ZNF681: variants seen among roughly 807,000 people sequenced by gnomAD.
ZNF681 encodes the protein hypothetical protein FLJ31526.
Under a neutral mutation model 56.0 loss-of-function variants are expected in ZNF681, and 37 were observed. That is an observed-to-expected ratio of 0.66 (90% CI 0.51 to 0.87). The LOEUF (loss-of-function observed/expected upper bound fraction) is 0.87, where lower values mean the gene tolerates loss of function less well. ZNF681 is among the 40% of genes least tolerant of loss of function. The pLI is 0.00. For missense variants in ZNF681, 741 were observed against 744.9 expected (o/e 0.99, Z 0.06); for synonymous variants, 225 against 248.6 (o/e 0.91, Z 0.89).
intron 3 of ZNF681, among the ~76,000 whole-genome samples, chr19:23,750,640 G>A (rs1254521134): frequency 6.6e-6 from 1 of 151,660 alleles, no homozygotes; most frequent in East Asian, 1.9e-4. Context: ...TCAGAAGTAC[G>A]AGACCAGCCT....
chr19:23,751,847 G>A (rs1969036881), intron 3 of ZNF681, among the ~76,000 whole-genome samples: 1 of 152,022 alleles, frequency 6.6e-6, no homozygotes, highest in African/African-American at 2.4e-5. Context: ...CACCATGCCT[G>A]GCTAATTTTT....
In ZNF681 at chr19:23,741,800, T is replaced by A. The variant is rs1968877363; in HGVS notation, c.*1812A>T. 2.0e-5 allele frequency: 3 copies of A among 152,170 alleles called. No individual in the cohort carries two copies. Among genetic ancestry groups the A allele is most frequent in the South Asian group, 2.1e-4 (1 of 4,830 alleles). 9.4% of individuals were successfully genotyped at this position (152,170 alleles called of 1,614,324 possible). A position where few individuals can be genotyped will look rare whatever the true frequency, so the allele number is the denominator to read the frequency against. Reference sequence around the variant, plus strand: ...TGCTGCAGGTAATGAATATTTCATTTACCCATATGTAATTATTACATATTA... The same window carrying A: ...TGCTGCAGGTAATGAATATTTCATTAACCCATATGTAATTATTACATATTA... On this transcript the variant is annotated 3_prime_UTR_variant, in exon 4 of 4. Coordinates refer to ENST00000402377, the MANE Select transcript of ZNF681 (RefSeq NM_138286.3).
intron 1 of ZNF681, among the ~76,000 whole-genome samples, chr19:23,755,863 TGAG>T (rs905387517): frequency 3.4e-4 from 52 of 152,260 alleles, no homozygotes; most frequent in African/African-American, 1.1e-3. Context: ...CTGGTGAGGC[TGAG>T]GAGAAATATG....
At chr19:23,748,751 T>C (rs528149182) in intron 3 of ZNF681, among the ~76,000 whole-genome samples, 2 of 152,038 alleles carry the variant, frequency 1.3e-5, no homozygotes, top group African/African-American at 4.8e-5. Context: ...AATACAAAAA[T>C]TGGAAAAAGC....
At chr19:23,749,101 C>A (rs1968986824) in intron 3 of ZNF681, among the ~76,000 whole-genome samples, 1 of 152,106 alleles carries the variant, frequency 6.6e-6, no homozygotes, top group South Asian at 2.1e-4. Flanking sequence ...GCAACCCTTT[C>A]TTGACTTACA....
At chr19:23,747,307 A>G (rs1968957607) in intron 3 of ZNF681, among the ~76,000 whole-genome samples, 3 of 152,138 alleles carry the variant, frequency 2.0e-5, no homozygotes. Context: ...TGTCTGTATA[A>G]CTTACAGTGA....
chr19:23,743,622 T>C lies in ZNF681; in HGVS notation c.1928A>G (p.Glu643Gly). 1 of 1,492,050 alleles carries C rather than the reference T, an allele frequency of 6.7e-7. No homozygotes were observed. 92.4% of individuals were successfully genotyped at this position (1,492,050 alleles called of 1,614,324 possible). A position where few individuals can be genotyped will look rare whatever the true frequency, so the allele number is the denominator to read the frequency against. ...ACATTCTTCACATTTCTAAGATTTC[T>C]CACCAGCATAATTTCTTTTATGTTT... ...FSKHKRNYAGEKS is the reference protein window; with the variant it reads ...FSKHKRNYAGGKS The change falls in exon 4 of 4, where the codon GAG becomes GGG. Residue 643 changes from glutamate to glycine, a missense_variant. Glu to Gly is a moderately conservative substitution (Grantham distance 98). Transcript: ENST00000402377.
chr19:23,743,434 C>A lies in ZNF681; in HGVS notation c.*178G>T. 1 of 499,714 alleles carries A rather than the reference C, an allele frequency of 2.0e-6. No individual in the cohort carries two copies. Among genetic ancestry groups the A allele is most frequent in the Non-Finnish European group, 3.4e-6 (1 of 297,956 alleles). The allele number at this position is 499,714 out of a possible 1,614,324, so 31.0% of individuals were successfully genotyped here. On this transcript the variant is annotated 3_prime_UTR_variant, in exon 4 of 4. Coordinates refer to ENST00000402377, the MANE Select transcript of ZNF681 (RefSeq NM_138286.3). ...TGAACAGATATTAATGGCTTTTTCA[C>A]ATTCTGTATATTTGAAATTTTTTTC...
In ZNF681 at chr19:23,740,082, T is replaced by G. The variant is rs1968859225; in HGVS notation, c.*3530A>C. ...TGCCACACTTTGTGTAAGAATTTAA[T>G]AAGATTATTCTTTAACAAACAGAGA... is the stretch of plus-strand genomic sequence containing the variant. On this transcript the variant is annotated 3_prime_UTR_variant, in exon 4 of 4. Transcript: ENST00000402377. 6.6e-6 allele frequency: 1 copy of G among 152,214 alleles called. No individual in the cohort carries two copies. The highest frequency in any genetic ancestry group is 2.4e-5 in the African/African-American group (1 of 41,462). 9.4% of individuals were successfully genotyped at this position (152,214 alleles called of 1,614,324 possible). A position where few individuals can be genotyped will look rare whatever the true frequency, so the allele number is the denominator to read the frequency against.
chr19:23,743,664 T>C lies in ZNF681; in HGVS notation c.1886A>G (p.Asn629Ser), dbSNP rs567161521. 5.1e-6 allele frequency: 8 copies of C among 1,565,852 alleles called. No individual in the cohort carries two copies. The African/African-American group carries it at 9.6e-5, about 19-fold the overall frequency. The change falls in exon 4 of 4, where the codon AAC becomes AGC. Residue 629 changes from asparagine (N) to serine (S), a missense_variant. Physicochemically the swap from Asn to Ser is conservative, Grantham distance 46. Transcript: ENST00000402377. ...TTTATGTTTAGAAAACTTTGAAGTG[T>C]TTTCAAAATCACTGTTACATCTTTT... Reference protein sequence around the residue: ...KPKRCNSDFENTSKFSKHKRN... With the variant: ...KPKRCNSDFESTSKFSKHKRN...
chr19:23,744,573 G>A lies in ZNF681; in HGVS notation c.977C>T (p.Thr326Ile), dbSNP rs138386595. The A allele has an allele frequency of 1.4e-5, 23 of 1,614,010 alleles. No homozygotes were observed. The highest frequency in any genetic ancestry group is 1.9e-5 in the Non-Finnish European group (22 of 1,179,954). The change falls in exon 4 of 4, where the codon ACC becomes ATC. Residue 326 changes from threonine to isoleucine, a missense_variant. Thr to Ile is a moderately conservative substitution (Grantham distance 89). Transcript: ENST00000402377. ...TCCAGTATGAATTATCTTATGTCTG[G>A]TAAGGTGTGAGGACTGGTTGAAAGC... The part of the protein sequence containing the change: ...GKAFNQSSHL[T>I]RHKIIHTGEK...
chr19:23,747,588 C>A (rs548689868), intron 3 of ZNF681, among the ~76,000 whole-genome samples: 2 of 143,564 alleles, frequency 1.4e-5, no homozygotes, highest in Non-Finnish European at 3.0e-5. Context: ...TGCACTGAGC[C>A]GAGATCGTGC....
intron 3 of ZNF681, among the ~76,000 whole-genome samples, chr19:23,753,840 GA>G: frequency 9.2e-6 from 1 of 108,356 alleles, no homozygotes; most frequent in South Asian, 3.3e-4. Context: ...TCAGCCTGGA[GA>G]AAGAGCGAGA....
At position 23,741,762 on chromosome 19, in the gene ZNF681, T is replaced by A. The variant is rs1968877110; in HGVS notation, c.*1850A>T. On this transcript the variant is annotated 3_prime_UTR_variant, in exon 4 of 4. Coordinates refer to ENST00000402377, the MANE Select transcript of ZNF681 (RefSeq NM_138286.3). ...AGAATTAGTTTATAATACAAACAAATACAAACAATAAATGCTGCAGGTAAT... is the reference window on the plus strand; with the variant it reads ...AGAATTAGTTTATAATACAAACAAAAACAAACAATAAATGCTGCAGGTAAT... The A allele has an allele frequency of 6.6e-6, 1 of 151,892 alleles. No individual in the cohort carries two copies. Among genetic ancestry groups the A allele is most frequent in the African/African-American group, 2.4e-5 (1 of 41,346 alleles). The allele number at this position is 151,892 out of a possible 1,614,324, so 9.4% of individuals were successfully genotyped here. A position where few individuals can be genotyped will look rare whatever the true frequency, so the allele number is the denominator to read the frequency against.
At position 23,744,409 on chromosome 19, in the gene ZNF681, G is replaced by C. The variant is rs774769758; in HGVS notation, c.1141C>G (p.Leu381Val). The C allele has an allele frequency of 2.5e-6, 4 of 1,612,626 alleles. No homozygotes were observed. Among genetic ancestry groups the C allele is most frequent in the Admixed American group, 3.3e-5 (2 of 59,792 alleles). ...GTATGAATTATCTTATGTGTAGTAA[G>C]GTGTGAGGACTGCCTAAAGGCTTTG... ...CGKAFRQSSH[L>V]TTHKIIHTGE... Residue 381 changes from leucine to valine, a missense_variant, in exon 4 of 4, where the codon CTT becomes GTT. Coordinates refer to ENST00000402377, the MANE Select transcript of ZNF681 (RefSeq NM_138286.3).
intron 2 of ZNF681, 24 bp from the exon 3 acceptor site, chr19:23,754,942 A>G (rs1327931716): frequency 1.3e-6 from 2 of 1,593,848 alleles, no homozygotes; most frequent in South Asian, 2.2e-5. Flanking sequence ...AGTAAATAAC[A>G]TAAATCTTGC....
chr19:23,743,889 A>G lies in ZNF681; in HGVS notation c.1661T>C (p.Val554Ala). The change falls in exon 4 of 4, where the codon GTA (valine) becomes GCA (alanine). Residue 554 changes from valine (V) to alanine (A), a missense_variant. Coordinates refer to ENST00000402377, the MANE Select transcript of ZNF681 (RefSeq NM_138286.3). ...GTAGGGTTTCTCTCCAGTATGAATT[A>G]CCTTATGTGTAGCAAGATGTGAGGA... ...NHSSHLATHK[V>A]IHTGEKPYQC... 6.3e-7 allele frequency: 1 copy of G among 1,595,468 alleles called. No individual in the cohort carries two copies. Among genetic ancestry groups the G allele is most frequent in the Non-Finnish European group, 8.6e-7 (1 of 1,169,066 alleles).
rs1307671352 is a variant in ZNF681 at position 23,739,681 on chromosome 19, A to G, written c.*3931T>C. 6.6e-6 allele frequency: 1 copy of G among 152,196 alleles called. No homozygotes were observed. The highest frequency in any genetic ancestry group is 2.4e-5 in the African/African-American group (1 of 41,434). 9.4% of individuals were successfully genotyped at this position (152,196 alleles called of 1,614,324 possible). A position where few individuals can be genotyped will look rare whatever the true frequency, so the allele number is the denominator to read the frequency against. On this transcript the variant is annotated 3_prime_UTR_variant, in exon 4 of 4. Transcript: ENST00000402377. ...ACTGGCCACTCTGTGAACACAGTAA[A>G]CAAGTTTGCACGCAAAATAATAGAA... is the stretch of plus-strand genomic sequence containing the variant.
Position 23,745,035 on chromosome 19 carries a change from TATTTAA to T in ZNF681, c.509_514del (p.Phe170_Lys171del). On this transcript the variant is annotated inframe_deletion, in exon 4 of 4. Transcript: ENST00000402377. The stretch of plus-strand genomic sequence containing the variant: ...GCAAAATGATTTGCCAAATTCTTTA[TATTTAA>T]AAGGTTTTTTTCTGGTGTGTCTTAC... 6.3e-7 allele frequency: 1 copy of T among 1,588,896 alleles called. No individual in the cohort carries two copies. The highest frequency in any genetic ancestry group is 8.6e-7 in the Non-Finnish European group (1 of 1,168,240).
Sources: allele counts gnomAD v4.1 joint callset (sites outside exome capture counted in the v4.1 genomes callset), GRCh38; gene constraint gnomAD v4.1.1; transcripts MANE v1.5; gene names NCBI Gene and HGNC (gene_info 2026-07-23, HGNC 2026-07-21).